The following SMG1 variants were observed in gnomAD, a reference collection of about 807,000 sequenced individuals.
SMG1 encodes the protein serine/threonine-protein kinase SMG1.
SMG1 carries 22 observed loss-of-function variants against 419.9 expected under a neutral mutation model. That is an observed-to-expected ratio of 0.05 (90% CI 0.04 to 0.07). The LOEUF (loss-of-function observed/expected upper bound fraction) is 0.07. Among genes scored for constraint, SMG1 ranks in the 10% least tolerant of loss-of-function variants. The pLI, the probability that SMG1 is intolerant of heterozygous loss-of-function variation, is 1.00. For missense variants in SMG1, 3,185 were observed against 4,342.0 expected, an observed-to-expected ratio of 0.73 and a Z score of 7.49; for synonymous variants, 1,538 against 1,553.5, an observed-to-expected ratio of 0.99 and a Z score of 0.23.
At chr16:18,880,043 C>G (rs994934649) in intron 10 of SMG1, among the ~76,000 whole-genome samples, 11 of 152,158 alleles carry the variant, frequency 7.2e-5, no homozygotes, top group African/African-American at 2.2e-4. Context: ...AATACACCAC[C>G]ACAACAGTAA....
At chr16:18,815,894 T>C (rs545450149) in intron 58 of SMG1, 7 of 504,334 alleles carry the variant, frequency 1.4e-5, no homozygotes, top group African/African-American at 9.6e-5. Flanking sequence ...TTCTGGAGGC[T>C]TAGTTTTCTT....
intron 31 of SMG1, 92 bp from the exon 32 acceptor site, chr16:18,852,554 G>A (rs548041899): frequency 4.6e-5 from 52 of 1,133,824 alleles, no homozygotes; most frequent in Non-Finnish European, 5.9e-5. Context: ...AGCATTTTAG[G>A]TTTTTATCTG....
rs1359851027 is a variant in SMG1, at chr16:18,815,613, G to A, written c.10341C>T (p.Pro3447=). The A allele has an allele frequency of 2.5e-6, 4 of 1,613,802 alleles. No individual in the cohort carries two copies. In the African/African-American group the frequency reaches 4.0e-5, roughly 16 times the overall value. ...EAALADGEDV[P]YENSVRQFLG... ...AAAACTGCCTAACACTGTTCTCATA[G>A]GGAACATCTTCACCATCTGCCAGAG... The change falls in exon 59 of 63, where the codon CCC becomes CCT. Residue 3447 remains proline (P), a synonymous_variant. Transcript: ENST00000446231.
chr16:18,919,401 G>A (rs2038098179), intron 1 of SMG1, among the ~76,000 whole-genome samples: 1 of 150,802 alleles, frequency 6.6e-6, no homozygotes. Context: ...GAGGCGGGCG[G>A]ATCATGACAT....
Position 18,829,750 on chromosome 16 carries a change from T to C in SMG1, c.9139A>G (p.Ser3047Gly), listed in dbSNP as rs771416121. 26 of 1,588,202 alleles carry C rather than the reference T, an allele frequency of 1.6e-5. No homozygotes were observed. Among genetic ancestry groups the C allele is most frequent in the Non-Finnish European group, 2.1e-5 (24 of 1,166,370 alleles). The part of the protein sequence containing the change: ...GTFSKTLSGS[S>G]SLEDQNTVNG... Reference sequence around the variant, plus strand: ...ACAGTATTCTGATCTTCAAGTGAACTTGATCCTACAAAAAGGAAAAATTTC... The same window carrying C: ...ACAGTATTCTGATCTTCAAGTGAACCTGATCCTACAAAAAGGAAAAATTTC... Residue 3047 changes from serine (S) to glycine (G), a missense_variant, in exon 54 of 63, where the codon AGT becomes GGT. Ser to Gly is a moderately conservative substitution (Grantham distance 56, BLOSUM62 0). Around this residue, in one of 27 missense-constraint regions of SMG1, gnomAD observed 737 missense variants for 846.6 expected, o/e 0.87. Coordinates refer to ENST00000446231, the MANE Select transcript of SMG1 (RefSeq NM_015092.5).
intron 9 of SMG1, among the ~76,000 whole-genome samples, chr16:18,883,437 ACAC>A (rs2036486710): frequency 6.6e-6 from 1 of 152,248 alleles, no homozygotes; most frequent in African/African-American, 2.4e-5. Flanking sequence ...TTTTTTTATA[ACAC>A]CACATCAATT....
chr16:18,900,115 A>G (rs942596700), intron 1 of SMG1: 13 of 763,298 alleles, frequency 1.7e-5, no homozygotes, highest in East Asian at 2.7e-5. Context: ...CATGGAGCAA[A>G]TATCATTCAT....
Position 18,896,738 on chromosome 16 carries a change from G to C in SMG1, c.256+55C>G, listed in dbSNP as rs566184594. 78 of 1,383,032 alleles carry C rather than the reference G, an allele frequency of 5.6e-5. 1 individual carries two copies. In the South Asian group the frequency reaches 9.0e-4, roughly 16 times the overall value. The allele number at this position is 1,383,032 out of a possible 1,614,324, so 85.7% of individuals were successfully genotyped here. On this transcript the variant is annotated intron_variant, in intron 2 of 62. Transcript: ENST00000446231. ...AGTTGGGGGTATAAGAAGGCAGGAA[G>C]GTGAGACAGGTAGGTTCAAAAAACA...
rs2030684702 is a variant in SMG1 at position 18,804,910 on chromosome 16, C to T, written c.*4659G>A. On this transcript the variant is annotated 3_prime_UTR_variant, in exon 63 of 63. Transcript: ENST00000446231. ...CTGAAAAACAGGTATTTCATACAAT[C>T]TTTGCCATGTTAATGCAAATATGCA... The T allele has an allele frequency of 6.6e-6, 1 of 152,644 alleles. No homozygotes were observed. The highest frequency in any genetic ancestry group is 2.1e-4 in the South Asian group (1 of 4,838). The allele number at this position is 152,644 out of a possible 1,614,324, so 9.5% of individuals were successfully genotyped here.
At chr16:18,837,896 TATTATAC>T (rs2033680264) in intron 45 of SMG1, 111 bp downstream of exon 45, 2 of 982,636 alleles carry the variant, frequency 2.0e-6, no homozygotes, top group Admixed American at 4.4e-5. Flanking sequence ...GCCATTTCAA[TATTATAC>T]ATTAGTTTTG....
intron 46 of SMG1, 96 bp downstream of exon 46, chr16:18,837,156 AT>A: frequency 8.7e-7 from 1 of 1,149,782 alleles, no homozygotes; most frequent in Non-Finnish European, 1.2e-6. Flanking sequence ...CATTTATGTG[AT>A]TTGTTACAAT....
At chr16:18,816,280 G>T (rs1396794907) in intron 58 of SMG1, 22 bp downstream of exon 58, 2 of 1,563,126 alleles carry the variant, frequency 1.3e-6, no homozygotes, top group Non-Finnish European at 1.8e-6. Flanking sequence ...GAGTAAATGT[G>T]TGTTCATGGT....
rs1006878150 is a variant in SMG1, at chr16:18,808,050, T to G, written c.*1519A>C. ...TGCTGGGATTACAGGCGTGAGCCAC[T>G]GTGCCCAGCCAACAATTAAGATTTT... is the stretch of plus-strand genomic sequence containing the variant. On this transcript the variant is annotated 3_prime_UTR_variant, in exon 63 of 63. Coordinates refer to ENST00000446231, the MANE Select transcript of SMG1 (RefSeq NM_015092.5). The G allele has an allele frequency of 2.0e-5, 3 of 152,260 alleles. No homozygotes were observed. The highest frequency in any genetic ancestry group is 4.4e-5 in the Non-Finnish European group (3 of 68,066). 9.4% of individuals were successfully genotyped at this position (152,260 alleles called of 1,614,324 possible).
chr16:18,827,241 G>A (rs1300241875), intron 55 of SMG1, among the ~76,000 whole-genome samples: 4 of 151,800 alleles, frequency 2.6e-5, no homozygotes, highest in Non-Finnish European at 5.9e-5. Flanking sequence ...AGCCTGGCCA[G>A]CATGGTGAAA....
At chr16:18,891,560 A>G (rs974790508) in intron 4 of SMG1, among the ~76,000 whole-genome samples, 23 of 151,424 alleles carry the variant, frequency 1.5e-4, no homozygotes, top group South Asian at 8.3e-4. Context: ...TCAGCCTCCC[A>G]TGTAGCTGGA....
At chr16:18,833,191 T>C in intron 50 of SMG1, 25 bp from the exon 51 acceptor site, 1 of 1,586,336 alleles carries the variant, frequency 6.3e-7, no homozygotes, top group Non-Finnish European at 8.6e-7. Flanking sequence ...GAAAAAAACT[T>C]TTAATGTTTT....
chr16:18,914,288 A>G (rs2037892131), intron 1 of SMG1, among the ~76,000 whole-genome samples: 3 of 152,190 alleles, frequency 2.0e-5, no homozygotes, highest in Admixed American at 6.5e-5. Flanking sequence ...CAACATAATA[A>G]TAACATGAAT....
At chr16:18,814,043 A>T (rs1323919869) in intron 60 of SMG1, among the ~76,000 whole-genome samples, 1 of 148,194 alleles carries the variant, frequency 6.7e-6, no homozygotes, top group African/African-American at 2.5e-5. Context: ...AAAAAAAAAA[A>T]AAATTAAATT....
chr16:18,890,982 T>G, intron 4 of SMG1, 61 bp from the exon 5 acceptor site: 4 of 854,422 alleles, frequency 4.7e-6, no homozygotes, highest in Non-Finnish European at 8.0e-6. Context: ...AATAGCATTG[T>G]GTACTTTTTT....
Sources: allele counts gnomAD v4.1 joint callset (sites outside exome capture counted in the v4.1 genomes callset), GRCh38; gene constraint gnomAD v4.1.1; regional missense constraint gnomAD v4.1.1; transcripts MANE v1.5; gene names NCBI Gene and HGNC (gene_info 2026-07-23, HGNC 2026-07-21).